The following CTNNA1 variants were observed in gnomAD, a reference collection of about 807,000 sequenced individuals.
CTNNA1 encodes catenin alpha-1.
A neutral mutation model predicts 98.4 loss-of-function variants in CTNNA1; 37 were observed. The ratio of observed to expected loss-of-function variants is 0.38; its 90% CI spans 0.29 to 0.49. CTNNA1 has a LOEUF of 0.49. CTNNA1 is among the 20% of genes least tolerant of loss of function. The pLI, the probability that CTNNA1 is intolerant of heterozygous loss-of-function variation, is 0.95. For missense variants in CTNNA1, 761 were observed against 1,147.2 expected (o/e 0.66, Z 4.86); for synonymous variants, 404 against 413.2 (o/e 0.98, Z 0.27).
chr5:138,917,939 A>C (rs372711719), intron 11 of CTNNA1, 41 bp downstream of exon 11: 7 of 1,600,444 alleles, frequency 4.4e-6, no homozygotes, highest in Middle Eastern at 1.7e-4. Flanking sequence ...GAAGATGTTC[A>C]TAATTACTTT....
At chr5:138,758,279 G>C (rs1206951678) in intron 1 of CTNNA1, among the ~76,000 whole-genome samples, 1 of 152,082 alleles carries the variant, frequency 6.6e-6, no homozygotes, top group Non-Finnish European at 1.5e-5. Context: ...TTGGCTCCCT[G>C]CAACCTCCGC....
intron 7 of CTNNA1, among the ~76,000 whole-genome samples, chr5:138,863,020 TTC>T (rs1764428649): frequency 6.6e-6 from 1 of 152,204 alleles, no homozygotes; most frequent in African/African-American, 2.4e-5. Flanking sequence ...CTGCTATTAA[TTC>T]TGTTTTACAG....
chr5:138,818,847 C>T (rs912048910), intron 5 of CTNNA1, among the ~76,000 whole-genome samples: 1 of 152,130 alleles, frequency 6.6e-6, no homozygotes, highest in Non-Finnish European at 1.5e-5. Flanking sequence ...CTCGCGGTGG[C>T]TGTGGGGCTG....
At chr5:138,897,936 A>C (rs543876012) in intron 9 of CTNNA1, among the ~76,000 whole-genome samples, 5 of 152,268 alleles carry the variant, frequency 3.3e-5, no homozygotes, top group Admixed American at 3.3e-4. Flanking sequence ...ACTCTGCCCA[A>C]CCTTTGCTCT....
chr5:138,917,318 CAT>C (rs1191720935), intron 10 of CTNNA1, among the ~76,000 whole-genome samples: 1 of 152,148 alleles, frequency 6.6e-6, no homozygotes, highest in Non-Finnish European at 1.5e-5. Context: ...GTGTCCATAA[CAT>C]AGAATATATA....
chr5:138,858,098 C>T (rs1194391647), intron 7 of CTNNA1, among the ~76,000 whole-genome samples: 1 of 151,478 alleles, frequency 6.6e-6, no homozygotes, highest in African/African-American at 2.4e-5. Flanking sequence ...AACACTGTCC[C>T]ATATGTGTCA....
chr5:138,823,479 G>C (rs1004289547), intron 5 of CTNNA1, among the ~76,000 whole-genome samples: 4 of 152,098 alleles, frequency 2.6e-5, no homozygotes, highest in South Asian at 2.1e-4. Flanking sequence ...ACTGACCTGC[G>C]AACTGTTTAA....
intron 7 of CTNNA1, among the ~76,000 whole-genome samples, chr5:138,843,182 A>G (rs1253277927): frequency 6.6e-6 from 1 of 152,250 alleles, no homozygotes; most frequent in African/African-American, 2.4e-5. Flanking sequence ...ACATTCCAGC[A>G]GAAAAACCAA....
chr5:138,934,094 G>GCCCAGGCCGGCCGCC lies in CTNNA1; in HGVS notation c.*10_*24dup. On this transcript the variant is annotated 3_prime_UTR_variant, in exon 18 of 18. Transcript: ENST00000302763. ...AAAGCTATGGACAGCATCTAAGTCTGCCCAGGCCGGCCGCCCCCACCCCTC... is the reference window on the plus strand; with the variant it reads ...AAAGCTATGGACAGCATCTAAGTCTGCCCAGGCCGGCCGCCCCCAGGCCGGCCGCCCCCACCCCTC... 6.2e-7 allele frequency: 1 copy of GCCCAGGCCGGCCGCC among 1,605,500 alleles called. No individual in the cohort carries two copies. The highest frequency in any genetic ancestry group is 8.5e-7 in the Non-Finnish European group (1 of 1,176,466).
intron 3 of CTNNA1, among the ~76,000 whole-genome samples, chr5:138,784,437 C>G (rs758888171): frequency 2.0e-5 from 3 of 152,118 alleles, no homozygotes; most frequent in Non-Finnish European, 4.4e-5. Context: ...TGGGCAGTGC[C>G]TTAGATGGAG....
intron 7 of CTNNA1, chr5:138,880,744 C>T (rs986453944): frequency 1.8e-5 from 5 of 282,248 alleles, no homozygotes; most frequent in Non-Finnish European, 2.8e-5. Context: ...GTAAGATACC[C>T]GTTCATACTT....
At chr5:138,803,209 A>G (rs1303233740) in intron 3 of CTNNA1, among the ~76,000 whole-genome samples, 2 of 150,822 alleles carry the variant, frequency 1.3e-5, no homozygotes, top group East Asian at 3.9e-4. Flanking sequence ...GCTGGAGTGC[A>G]GTGGCATGAT....
At chr5:138,856,873 T>G (rs950787872) in intron 7 of CTNNA1, among the ~76,000 whole-genome samples, 12 of 152,236 alleles carry the variant, frequency 7.9e-5, no homozygotes, top group African/African-American at 2.9e-4. Context: ...TGGAAGTATT[T>G]TAGAGAGAAA....
chr5:138,884,745 T>C (rs977481251), intron 7 of CTNNA1, among the ~76,000 whole-genome samples: 5 of 152,172 alleles, frequency 3.3e-5, no homozygotes, highest in Non-Finnish European at 7.4e-5. Context: ...CTTCCCATGA[T>C]GGCCTAAACT....
intron 9 of CTNNA1, among the ~76,000 whole-genome samples, chr5:138,898,308 A>G (rs13362521): frequency 0.023 from 3,474 of 152,230 alleles, 134 homozygotes; most frequent in African/African-American, 0.08. Flanking sequence ...CTGTGAGCCA[A>G]TTAAACCTCT....
chr5:138,837,854 C>T (rs1761942476), intron 7 of CTNNA1, among the ~76,000 whole-genome samples: 1 of 151,872 alleles, frequency 6.6e-6, no homozygotes, highest in African/African-American at 2.4e-5. Flanking sequence ...AACTCCTGGA[C>T]TGAAAGCAGT....
At chr5:138,782,353 G>A (rs573943523) in intron 2 of CTNNA1, 77 of 476,506 alleles carry the variant, frequency 1.6e-4, no homozygotes, top group Non-Finnish European at 3.0e-4. Flanking sequence ...TGATTGTTAA[G>A]GTCTCTCACT....
chr5:138,847,844 GT>G (rs1364647253), intron 7 of CTNNA1, among the ~76,000 whole-genome samples: 1 of 152,190 alleles, frequency 6.6e-6, no homozygotes, highest in African/African-American at 2.4e-5. Context: ...TTAAGTTTGT[GT>G]TTCTTTATGT....
chr5:138,842,622 A>G (rs1012534985), intron 7 of CTNNA1, among the ~76,000 whole-genome samples: 2 of 152,188 alleles, frequency 1.3e-5, no homozygotes, highest in Non-Finnish European at 2.9e-5. Flanking sequence ...AGAGGTTGCA[A>G]ATTTTTTGTT....
Sources: gnomAD v4.1 joint callset for allele counts (sites outside exome capture counted in the v4.1 genomes callset) on GRCh38, gnomAD v4.1.1 for gene constraint, MANE v1.5 for transcripts, NCBI Gene and HGNC (gene_info 2026-07-23, HGNC 2026-07-21) for gene names.